The following SPON1 variants were observed in gnomAD, a reference collection of about 807,000 sequenced individuals.
SPON1 encodes the protein spondin-1.
Under a neutral mutation model 111.7 loss-of-function variants are expected in SPON1, and 52 were observed. That is an observed-to-expected ratio of 0.47 (90% confidence interval 0.37 to 0.59). The LOEUF (loss-of-function observed/expected upper bound fraction) is 0.59, where lower values mean the gene tolerates loss of function less well. Ranked by LOEUF, SPON1 falls within the 20% of genes least tolerant of loss-of-function variation. The pLI is 0.00. For synonymous variants in SPON1, 410 were observed against 395.8 expected, an observed-to-expected ratio of 1.04 and a Z score of -0.43; for missense variants, 957 against 1,068.5, an observed-to-expected ratio of 0.90 and a Z score of 1.46.
At chr11:14,185,880 C>A (rs1401873409) in intron 6 of SPON1, among the ~76,000 whole-genome samples, 1 of 152,222 alleles carries the variant, frequency 6.6e-6, no homozygotes, top group Non-Finnish European at 1.5e-5. Context: ...TCTAACTGAT[C>A]TGGCAAAGTG....
chr11:14,161,394 C>T (rs1847962608), intron 6 of SPON1, among the ~76,000 whole-genome samples: 1 of 148,926 alleles, frequency 6.7e-6, no homozygotes, highest in Non-Finnish European at 1.5e-5. Context: ...TCTTGGCTCA[C>T]TGCAAACTCC....
chr11:14,258,507 T>C (rs1308916980), intron 11 of SPON1, among the ~76,000 whole-genome samples: 2 of 152,238 alleles, frequency 1.3e-5, no homozygotes, highest in Admixed American at 6.5e-5. Context: ...CATGACCCCT[T>C]TCTCTGCCTG....
Position 14,135,069 on chromosome 11 carries a change from T to G in SPON1, c.677-351T>G, listed in dbSNP as rs996199713. The G allele has an allele frequency of 2.6e-4, 44 of 171,112 alleles. No homozygotes were observed. The highest frequency in any genetic ancestry group is 1.0e-3 in the African/African-American group (43 of 42,378). The allele number at this position is 171,112 out of a possible 1,614,324, so 10.6% of individuals were successfully genotyped here. ...GGGTCAAGCCTGGTTAGCACTTGGATGGGAGTCTGCCAGAACAGTCCTTTC... is the reference window on the plus strand; with the variant it reads ...GGGTCAAGCCTGGTTAGCACTTGGAGGGGAGTCTGCCAGAACAGTCCTTTC... On this transcript the variant is annotated intron_variant, in intron 5 of 15. Coordinates refer to ENST00000576479, the MANE Select transcript of SPON1 (RefSeq NM_006108.4). The surrounding 1 kb of genome is among the most constrained non-coding windows in gnomAD (Gnocchi z 4.4).
intron 5 of SPON1, among the ~76,000 whole-genome samples, chr11:14,083,507 C>G (rs76815576): frequency 0.01 from 1,541 of 152,212 alleles, 27 homozygotes; most frequent in African/African-American, 0.036. Flanking sequence ...AACTTGTACT[C>G]TTACATTAAA....
intron 6 of SPON1, among the ~76,000 whole-genome samples, chr11:14,238,399 G>A (rs1287043728): frequency 6.6e-6 from 1 of 152,182 alleles, no homozygotes; most frequent in Non-Finnish European, 1.5e-5. Context: ...AGGAAGAAAG[G>A]GGCAGGGGGA....
chr11:14,160,401 ATT>A (rs199629794), intron 6 of SPON1, among the ~76,000 whole-genome samples: 1,079 of 31,436 alleles, frequency 0.034, 164 homozygotes, highest in East Asian at 0.1. Context: ...TTATATATAT[ATT>A]TATATATATA....
intron 5 of SPON1, among the ~76,000 whole-genome samples, chr11:14,121,657 G>A (rs751684080): frequency 2.4e-4 from 36 of 152,036 alleles, no homozygotes; most frequent in Non-Finnish European, 3.8e-4. Context: ...AGAGATTAAA[G>A]GTGCACCTTA....
intron 5 of SPON1, among the ~76,000 whole-genome samples, chr11:14,091,053 A>G (rs1177824259): frequency 6.7e-6 from 1 of 150,336 alleles, no homozygotes; most frequent in Non-Finnish European, 1.5e-5. Flanking sequence ...CCTTGAGCTA[A>G]ACACAGGGTG....
chr11:14,087,047 T>G (rs1302452684), intron 5 of SPON1, among the ~76,000 whole-genome samples: 1 of 152,178 alleles, frequency 6.6e-6, no homozygotes, highest in Non-Finnish European at 1.5e-5. Flanking sequence ...TCTTCTTTAT[T>G]AGTCTGGCTA....
intron 6 of SPON1, among the ~76,000 whole-genome samples, chr11:14,216,435 A>T (rs1848627153): frequency 6.6e-6 from 1 of 152,186 alleles, no homozygotes; most frequent in African/African-American, 2.4e-5. Flanking sequence ...CTGGATGGTA[A>T]TGGAAATGAT....
chr11:14,090,431 C>G (rs1260663236), intron 5 of SPON1, among the ~76,000 whole-genome samples: 1 of 152,088 alleles, frequency 6.6e-6, no homozygotes, highest in Non-Finnish European at 1.5e-5. Flanking sequence ...AGCCGCGGAC[C>G]CTCGTAGTGA....
intron 2 of SPON1, among the ~76,000 whole-genome samples, chr11:14,004,444 T>G (rs1554912855): frequency 6.6e-6 from 1 of 152,142 alleles, no homozygotes; most frequent in Non-Finnish European, 1.5e-5. Context: ...AATCTACGTT[T>G]CCATCAACAG....
At chr11:14,079,149 T>C (rs1484841680) in intron 4 of SPON1, among the ~76,000 whole-genome samples, 1 of 152,188 alleles carries the variant, frequency 6.6e-6, no homozygotes, top group Non-Finnish European at 1.5e-5. Context: ...AGATGTGGGT[T>C]TGACAATCGG....
chr11:13,975,207 A>G lies in SPON1; in HGVS notation c.239-7640A>G, dbSNP rs115913342. On this transcript the variant is annotated intron_variant, in intron 1 of 15. Coordinates refer to ENST00000576479, the MANE Select transcript of SPON1 (RefSeq NM_006108.4). ...ACTAGACTGTGTGCTCCTAGAGAGC[A>G]GACGCCATGTCTTTTTTACTCTGTG... Among the ~76,000 whole-genome samples the G allele has an allele frequency of 6.9e-3, 1,055 of 152,294 alleles. 15 individuals are homozygous for G. Among genetic ancestry groups the G allele is most frequent in the African/African-American group, 0.023 (968 of 41,566 alleles).
Position 14,233,758 on chromosome 11 carries a change from CTTTTTT to C in SPON1, c.826-9558_826-9553del, listed in dbSNP as rs10610600. 1.4e-3 allele frequency among the ~76,000 whole-genome samples: 132 copies of C among 96,832 alleles called. 1 individual carries two copies. Among genetic ancestry groups the C allele is most frequent in the African/African-American group, 4.9e-3 (121 of 24,648 alleles). The allele number at this position is 96,832 out of a possible 152,430, so 63.5% of individuals were successfully genotyped here. ...GGAGTGTCCAACACTGTTTCTTTTTCTTTTTTTTTTTTTTTTTTTTTGAGATGGAGT... is the reference window on the plus strand; with the variant it reads ...GGAGTGTCCAACACTGTTTCTTTTTCTTTTTTTTTTTTTTTGAGATGGAGT... On this transcript the variant is annotated intron_variant, in intron 6 of 15. Transcript: ENST00000576479.
chr11:14,038,404 G>C (rs1470370097), intron 2 of SPON1, among the ~76,000 whole-genome samples: 3 of 152,092 alleles, frequency 2.0e-5, no homozygotes, highest in African/African-American at 7.2e-5. Context: ...GGGAGGCAGA[G>C]GTTATAGTGA....
intron 5 of SPON1, among the ~76,000 whole-genome samples, chr11:14,090,068 C>T (rs1262814792): frequency 6.6e-6 from 1 of 152,112 alleles, no homozygotes; most frequent in African/African-American, 2.4e-5. Context: ...GCCAGTGGTT[C>T]TTAGACTGCT....
chr11:14,141,029 C>CCCCCTCA (rs71041572), intron 6 of SPON1, among the ~76,000 whole-genome samples: 8 of 132,370 alleles, frequency 6.0e-5, no homozygotes, highest in African/African-American at 8.2e-5. Flanking sequence ...GTGCCCCCCC[C>CCCCCTCA]ATGCCCCACT....
Position 14,260,631 on chromosome 11 carries a change from C to T in SPON1, c.1875C>T (p.Asp625=), listed in dbSNP as rs376726543. The part of the protein sequence containing the change: ...CLLSPWSEWS[D]CSVTCGKGMR... ...TGTCCCCATGGTCCGAGTGGAGTGA[C>T]TGCAGCGTGACCTGCGGGAAGGGCA... The change falls in exon 14 of 16, where the codon GAC becomes GAT. Residue 625 remains aspartate (D), a synonymous_variant. Transcript: ENST00000576479. 7 of 1,613,888 alleles carry T rather than the reference C, an allele frequency of 4.3e-6. No individual in the cohort carries two copies. In the African/African-American group the frequency reaches 5.3e-5, roughly 12 times the overall value.
Sources: gnomAD v4.1 joint callset for allele counts (sites outside exome capture counted in the v4.1 genomes callset) on GRCh38, gnomAD v4.1.1 for gene constraint, Gnocchi (gnomAD v3.1) non-coding constraint, MANE v1.5 for transcripts, NCBI Gene and HGNC (gene_info 2026-07-23, HGNC 2026-07-21) for gene names.